RNF10: variants seen among roughly 807,000 people sequenced by gnomAD.
The protein encoded by RNF10 is ring finger protein 10, also known as E3 ubiquitin-protein ligase RNF10.
In RNF10, 38 loss-of-function variants were observed where a neutral mutation model predicts 91.4. That is an observed-to-expected ratio of 0.42 (90% CI 0.32 to 0.54). The LOEUF (loss-of-function observed/expected upper bound fraction) is 0.54. RNF10 is among the 20% of genes least tolerant of loss of function. The pLI is 0.16. For missense variants in RNF10, 945 were observed against 1,012.0 expected (o/e 0.93, Z 0.90); for synonymous variants, 364 against 366.3 (o/e 0.99, Z 0.07).
In RNF10 at chr12:120,576,684, A is replaced by G. The variant is rs1877439263; in HGVS notation, c.*18A>G. The G allele has an allele frequency of 6.3e-7, 1 of 1,596,388 alleles. No individual in the cohort carries two copies. Among genetic ancestry groups the G allele is most frequent in the Non-Finnish European group, 8.5e-7 (1 of 1,175,100 alleles). On this transcript the variant is annotated 3_prime_UTR_variant, in exon 17 of 17. Coordinates refer to ENST00000325954, the MANE Select transcript of RNF10 (RefSeq NM_014868.5). ...CCAAGTGACACTACTGGCCCAGGCT[A>G]CCTTCTCCATCTGGTTTTTGTTTTT...
At chr12:120,541,437 C>CT (rs3049456) in intron 1 of RNF10, among the ~76,000 whole-genome samples, 38,980 of 140,444 alleles carry the variant, frequency 0.28, 6,374 homozygotes, top group Admixed American at 0.39. Context: ...CTGAGTTTTC[C>CT]TTTTTTTTTT....
intron 14 of RNF10, among the ~76,000 whole-genome samples, chr12:120,573,053 T>TTTGCTTTCTCTTTTTTCTGTG (rs1331200697): frequency 6.6e-6 from 1 of 152,180 alleles, no homozygotes; most frequent in Admixed American, 6.5e-5. Context: ...CTGTTATATA[T>TTTGCTTTCTCTTTTTTCTGTG]TTGCTTTCTC....
At chr12:120,571,079 TGA>T in intron 13 of RNF10, 110 bp from the exon 14 acceptor site, 1 of 668,242 alleles carries the variant, frequency 1.5e-6, no homozygotes, top group Non-Finnish European at 2.6e-6. Flanking sequence ...TTTTTTTTTT[TGA>T]GGGGATGATT....
intron 4 of RNF10, among the ~76,000 whole-genome samples, chr12:120,556,254 G>A (rs1323065334): frequency 2.0e-5 from 3 of 151,308 alleles, no homozygotes; most frequent in Admixed American, 6.6e-5. Context: ...TTGAACTCTC[G>A]CCGGGCGCGG....
At chr12:120,562,672 G>A (rs1008982787) in intron 7 of RNF10, among the ~76,000 whole-genome samples, 3 of 152,094 alleles carry the variant, frequency 2.0e-5, no homozygotes, top group Non-Finnish European at 4.4e-5. Flanking sequence ...AGGTCTTTGA[G>A]GAATCACCAC....
At chr12:120,572,018 G>A (rs377296896) in intron 14 of RNF10, among the ~76,000 whole-genome samples, 8 of 151,716 alleles carry the variant, frequency 5.3e-5, no homozygotes, top group African/African-American at 1.2e-4. Context: ...TAAGAAGTCC[G>A]TATAAACTTC....
rs145288520 is a variant in RNF10, at chr12:120,577,001, C to T, written c.*335C>T. The T allele has an allele frequency of 4.6e-3, 1,687 of 363,918 alleles. 28 individuals are homozygous for T. The highest frequency in any genetic ancestry group is 0.034 in the African/African-American group (1,568 of 46,750). 22.5% of individuals were successfully genotyped at this position (363,918 alleles called of 1,614,324 possible). A position where few individuals can be genotyped will look rare whatever the true frequency, so the allele number is the denominator to read the frequency against. ...GAGTCCCCTTTGAGATGCATTAGAGCAGTCCAACCCAGAATGGCACACACT... is the reference window on the plus strand; with the variant it reads ...GAGTCCCCTTTGAGATGCATTAGAGTAGTCCAACCCAGAATGGCACACACT... On this transcript the variant is annotated 3_prime_UTR_variant, in exon 17 of 17. Coordinates refer to ENST00000325954, the MANE Select transcript of RNF10 (RefSeq NM_014868.5).
At chr12:120,560,647 T>C in intron 6 of RNF10, 79 bp from the exon 7 acceptor site, 3 of 1,386,846 alleles carry the variant, frequency 2.2e-6, no homozygotes, top group Non-Finnish European at 3.0e-6. Context: ...GAAAAGGCTG[T>C]ATTTGAAAAT....
At chr12:120,540,664 G>A (rs139229598) in intron 1 of RNF10, among the ~76,000 whole-genome samples, 2 of 152,274 alleles carry the variant, frequency 1.3e-5, no homozygotes, top group Non-Finnish European at 2.9e-5. Flanking sequence ...ACTGGAAGAC[G>A]AGAAACGAGT....
intron 2 of RNF10, among the ~76,000 whole-genome samples, chr12:120,550,603 C>CTT (rs1184392958): frequency 7.0e-6 from 1 of 141,970 alleles, no homozygotes; most frequent in Middle Eastern, 3.4e-3. Context: ...TTTTTGTTTG[C>CTT]TTTTTTTTTT....
chr12:120,536,282 A>C (rs1418200635), intron 1 of RNF10, among the ~76,000 whole-genome samples: 1 of 151,856 alleles, frequency 6.6e-6, no homozygotes, highest in East Asian at 1.9e-4. Context: ...AAATTAGCCG[A>C]GTGTGGTGGC....
intron 13 of RNF10, among the ~76,000 whole-genome samples, chr12:120,569,919 C>T (rs1344722427): frequency 6.6e-6 from 1 of 151,800 alleles, no homozygotes; most frequent in Non-Finnish European, 1.5e-5. Flanking sequence ...TGGATGGAGT[C>T]TGTCTCTCTG....
intron 13 of RNF10, among the ~76,000 whole-genome samples, chr12:120,570,488 C>G (rs917001226): frequency 2.0e-5 from 3 of 152,086 alleles, no homozygotes; most frequent in African/African-American, 7.2e-5. Context: ...CCCGGCTTTT[C>G]TGAAAGTTTA....
At chr12:120,570,148 G>A (rs1368310879) in intron 13 of RNF10, 4 of 149,548 alleles carry the variant, frequency 2.7e-5, no homozygotes, top group African/African-American at 7.4e-5. Context: ...GCCTCCCAAA[G>A]TGCTGGGATT....
Position 120,554,827 on chromosome 12 carries a change from C to T in RNF10, c.645+19C>T. ...ACAAGTGGTGAGTAGCTCAGCCAAGCCCATAAGCTATGAATGGGAGCACTA... is the reference window on the plus strand; with the variant it reads ...ACAAGTGGTGAGTAGCTCAGCCAAGTCCATAAGCTATGAATGGGAGCACTA... On this transcript the variant is annotated intron_variant, in intron 4 of 16. Transcript: ENST00000325954. 6.3e-7 allele frequency: 1 copy of T among 1,592,188 alleles called. No individual in the cohort carries two copies. Among genetic ancestry groups the T allele is most frequent in the Non-Finnish European group, 8.6e-7 (1 of 1,160,230 alleles).
At chr12:120,544,976 A>G (rs1872096243) in intron 1 of RNF10, among the ~76,000 whole-genome samples, 1 of 152,238 alleles carries the variant, frequency 6.6e-6, no homozygotes, top group Admixed American at 6.5e-5. Flanking sequence ...ATGCATAAAA[A>G]TGCTCACAGA....
intron 10 of RNF10, 58 bp from the exon 11 acceptor site, chr12:120,565,014 C>A (rs1179428427): frequency 8.6e-7 from 1 of 1,158,322 alleles, no homozygotes; most frequent in Non-Finnish European, 1.3e-6. Context: ...GGGTTAGGAC[C>A]CCCTGCTTTC....
At chr12:120,571,771 T>A (rs1390272417) in intron 14 of RNF10, among the ~76,000 whole-genome samples, 3 of 152,134 alleles carry the variant, frequency 2.0e-5, no homozygotes, top group African/African-American at 4.8e-5. Context: ...CTGATTCAGG[T>A]GGTATTTATC....
intron 6 of RNF10, among the ~76,000 whole-genome samples, chr12:120,560,342 C>T (rs1378519872): frequency 2.6e-5 from 4 of 151,760 alleles, no homozygotes; most frequent in Non-Finnish European, 4.4e-5. Flanking sequence ...TTAGTAGAGA[C>T]GGGGTTTCAC....
Sources: gnomAD v4.1 joint callset for allele counts (sites outside exome capture counted in the v4.1 genomes callset) on GRCh38, gnomAD v4.1.1 for gene constraint, MANE v1.5 for transcripts, NCBI Gene and HGNC (gene_info 2026-07-23, HGNC 2026-07-21) for gene names.